Variants in GRM8 observed in about 807,000 individuals in gnomAD.
GRM8 encodes the protein metabotropic glutamate receptor 8.
Under a neutral mutation model 87.2 loss-of-function variants are expected in GRM8, and 47 were observed. The ratio of observed to expected loss-of-function variants is 0.54; its 90% CI spans 0.43 to 0.69. The LOEUF (loss-of-function observed/expected upper bound fraction) is 0.69, where lower values mean the gene tolerates loss of function less well. Ranked by LOEUF, GRM8 falls within the 30% of genes least tolerant of loss-of-function variation. The pLI is 0.00. For synonymous variants in GRM8, 396 were observed against 404.5 expected (o/e 0.98, Z 0.25); for missense variants, 1,019 against 1,139.2 (o/e 0.89, Z 1.52).
At chr7:127,137,798 G>A (rs1368837569) in intron 2 of GRM8, among the ~76,000 whole-genome samples, 1 of 152,010 alleles carries the variant, frequency 6.6e-6, no homozygotes, top group Non-Finnish European at 1.5e-5. Context: ...ATATTTCTGG[G>A]TAAAAAGTTA....
chr7:126,756,116 G>A (rs1429713271), intron 7 of GRM8, among the ~76,000 whole-genome samples: 1 of 151,660 alleles, frequency 6.6e-6, no homozygotes, highest in Admixed American at 6.6e-5. Context: ...TTGAACAATT[G>A]AGTATGGGCA....
chr7:126,701,636 GA>G (rs1175738787), intron 7 of GRM8: 1 of 378,076 alleles, frequency 2.6e-6, no homozygotes, highest in Non-Finnish European at 5.3e-6. Flanking sequence ...TTTGTTACAA[GA>G]TCTAGAATCA....
At chr7:126,598,499 C>G (rs1001504626) in intron 8 of GRM8, among the ~76,000 whole-genome samples, 1 of 152,076 alleles carries the variant, frequency 6.6e-6, no homozygotes, top group African/African-American at 2.4e-5. Flanking sequence ...TGAGTATGAA[C>G]TAAAATTCAC....
At chr7:126,728,747 G>A (rs1047288695) in intron 7 of GRM8, among the ~76,000 whole-genome samples, 12 of 152,234 alleles carry the variant, frequency 7.9e-5, no homozygotes, top group Admixed American at 7.8e-4. Flanking sequence ...AGCTCAACAG[G>A]TGACAAGGAG....
chr7:127,106,087 A>C (rs1825780070), intron 3 of GRM8, among the ~76,000 whole-genome samples: 1 of 152,228 alleles, frequency 6.6e-6, no homozygotes, highest in Non-Finnish European at 1.5e-5. Context: ...GATGATTACT[A>C]GACTTAGTCC....
At chr7:126,957,752 G>A (rs905927099) in intron 3 of GRM8, among the ~76,000 whole-genome samples, 1 of 152,180 alleles carries the variant, frequency 6.6e-6, no homozygotes, top group South Asian at 2.1e-4. Context: ...GGCACCCCTC[G>A]GCATGAATAG....
At chr7:126,913,615 A>G (rs1803542415) in intron 3 of GRM8, among the ~76,000 whole-genome samples, 1 of 152,216 alleles carries the variant, frequency 6.6e-6, no homozygotes, top group South Asian at 2.1e-4. Context: ...TACCCTAAAT[A>G]TCCTTAGCAT....
At chr7:126,845,445 T>TA (rs1796632807) in intron 6 of GRM8, among the ~76,000 whole-genome samples, 3 of 152,196 alleles carry the variant, frequency 2.0e-5, no homozygotes, top group Admixed American at 1.3e-4. Flanking sequence ...TCCTTTTTTT[T>TA]ATCCCAAAGG....
At chr7:126,976,927 T>C (rs887235793) in intron 3 of GRM8, among the ~76,000 whole-genome samples, 1 of 151,830 alleles carries the variant, frequency 6.6e-6, no homozygotes, top group East Asian at 1.9e-4. Flanking sequence ...AGATTTTACC[T>C]TGATTTAGTT....
At chr7:126,570,289 G>T (rs539919847) in intron 8 of GRM8, among the ~76,000 whole-genome samples, 3 of 152,210 alleles carry the variant, frequency 2.0e-5, no homozygotes, top group Non-Finnish European at 4.4e-5. Flanking sequence ...TCCCCACTGG[G>T]AGACAGTGTA....
At chr7:126,813,594 T>C (rs1024816788) in intron 6 of GRM8, among the ~76,000 whole-genome samples, 2 of 152,056 alleles carry the variant, frequency 1.3e-5, no homozygotes, top group African/African-American at 4.8e-5. Context: ...GATGAGGCTA[T>C]TTTTAGATCA....
intron 3 of GRM8, among the ~76,000 whole-genome samples, chr7:127,063,139 G>C (rs902575719): frequency 5.3e-5 from 8 of 152,034 alleles, no homozygotes; most frequent in African/African-American, 1.9e-4. Context: ...TGTAGTCCTG[G>C]CTACTCAGGA....
intron 2 of GRM8, among the ~76,000 whole-genome samples, chr7:127,143,606 C>T (rs1468665880): frequency 6.6e-6 from 1 of 151,986 alleles, no homozygotes; most frequent in African/African-American, 2.4e-5. Flanking sequence ...CTAAAGCTTA[C>T]AGAGGTTAAA....
chr7:126,920,109 G>A (rs1804357786), intron 3 of GRM8, among the ~76,000 whole-genome samples: 1 of 152,048 alleles, frequency 6.6e-6, no homozygotes, highest in Non-Finnish European at 1.5e-5. Context: ...TAATAGAAGA[G>A]GAAAGATCAG....
At chr7:126,635,600 G>A (rs980126161) in intron 7 of GRM8, among the ~76,000 whole-genome samples, 2 of 151,176 alleles carry the variant, frequency 1.3e-5, no homozygotes, top group Admixed American at 6.6e-5. Flanking sequence ...GCTCTGAGGA[G>A]TTTTTTTTTA....
chr7:126,536,998 G>A (rs556124165), intron 8 of GRM8, among the ~76,000 whole-genome samples: 1 of 152,066 alleles, frequency 6.6e-6, no homozygotes, highest in Non-Finnish European at 1.5e-5. Context: ...AAAAAGAAAT[G>A]TACCTATACT....
intron 9 of GRM8, among the ~76,000 whole-genome samples, chr7:126,473,772 A>G (rs1366501168): frequency 6.6e-6 from 1 of 152,088 alleles, no homozygotes; most frequent in East Asian, 1.9e-4. Context: ...TTTGGAGGTA[A>G]TTTAATCATG....
chr7:126,928,014 A>G (rs1805323389), intron 3 of GRM8, among the ~76,000 whole-genome samples: 1 of 152,188 alleles, frequency 6.6e-6, no homozygotes, highest in Non-Finnish European at 1.5e-5. Flanking sequence ...TGGCACATAT[A>G]CGTCATGGAA....
At chr7:127,195,086 T>G (rs574482228) in intron 2 of GRM8, among the ~76,000 whole-genome samples, 1 of 152,348 alleles carries the variant, frequency 6.6e-6, no homozygotes, top group East Asian at 1.9e-4. Flanking sequence ...TTTGCCATCC[T>G]TCCCACAATG....
Sources: allele counts gnomAD v4.1 joint callset (sites outside exome capture counted in the v4.1 genomes callset), GRCh38; gene constraint gnomAD v4.1.1; transcripts MANE v1.5; gene names NCBI Gene and HGNC (gene_info 2026-07-23, HGNC 2026-07-21).